MAP4K3: variants seen among roughly 807,000 people sequenced by gnomAD.
MAP4K3 encodes the protein MAPK/ERK kinase kinase kinase 3.
MAP4K3 carries 94 observed loss-of-function variants against 143.5 expected under a neutral mutation model. The ratio of observed to expected loss-of-function variants is 0.65; its 90% CI spans 0.55 to 0.78. MAP4K3 has a LOEUF of 0.78. MAP4K3 is among the 30% of genes least tolerant of loss of function. MAP4K3 has a pLI of 0.00. For synonymous variants in MAP4K3, 416 were observed against 347.2 expected, an observed-to-expected ratio of 1.20 and a Z score of -2.20; for missense variants, 1,077 against 1,068.1, an observed-to-expected ratio of 1.01 and a Z score of -0.12.
chr2:39,280,409 A>G, intron 22 of MAP4K3, 53 bp from the exon 23 acceptor site: 1 of 1,012,666 alleles, frequency 9.9e-7, no homozygotes, highest in Non-Finnish European at 1.5e-6. Context: ...ACAGTCTTTA[A>G]TATATAAAAT....
chr2:39,414,391 G>C (rs1558343619), intron 1 of MAP4K3, among the ~76,000 whole-genome samples: 1 of 152,166 alleles, frequency 6.6e-6, no homozygotes, highest in African/African-American at 2.4e-5. Context: ...GAATTAAGAG[G>C]CTAGTAGCAA....
chr2:39,337,581 A>G lies in MAP4K3; in HGVS notation c.311T>C (p.Val104Ala). 1 of 1,605,634 alleles carries G rather than the reference A, an allele frequency of 6.2e-7. No individual in the cohort carries two copies. The highest frequency in any genetic ancestry group is 8.5e-7 in the Non-Finnish European group (1 of 1,172,822). ...TTGCAGTTCTGACAGAGGTCCAGTT[A>G]CTGTAAAAGAAGACAATTAATACTC... is the stretch of plus-strand genomic sequence containing the variant. ...GGGSLQDIYHVTGPLSELQIA... is the reference protein window; with the variant it reads ...GGGSLQDIYHATGPLSELQIA... The change falls in exon 5 of 34, where the codon GTA becomes GCA. Residue 104 changes from valine to alanine, a missense_variant and splice_region_variant. By Grantham distance (64) the Val-to-Ala change is moderately conservative (BLOSUM62 0). Around this residue, in one of 2 missense-constraint regions of MAP4K3, gnomAD observed 213 missense variants for 266.8 expected, o/e 0.80. Coordinates refer to ENST00000263881, the MANE Select transcript of MAP4K3 (RefSeq NM_003618.4).
chr2:39,252,511 C>T (rs1030382931), intron 32 of MAP4K3, among the ~76,000 whole-genome samples: 29 of 152,334 alleles, frequency 1.9e-4, no homozygotes, highest in African/African-American at 6.5e-4. Context: ...CTTCCCCATT[C>T]TCTTGAAATA....
chr2:39,325,663 A>G, intron 11 of MAP4K3, 35 bp from the exon 12 acceptor site: 1 of 1,567,980 alleles, frequency 6.4e-7, no homozygotes, highest in East Asian at 2.3e-5. Flanking sequence ...AACACTTACT[A>G]TAAATCTGAT....
intron 1 of MAP4K3, among the ~76,000 whole-genome samples, chr2:39,425,626 A>G (rs1665044015): frequency 6.6e-6 from 1 of 152,188 alleles, no homozygotes; most frequent in Non-Finnish European, 1.5e-5. Flanking sequence ...GAAACCTGGC[A>G]TCTTGATCTT....
intron 2 of MAP4K3, among the ~76,000 whole-genome samples, chr2:39,361,747 T>TTTAAAACAG (rs1665777670): frequency 6.6e-6 from 1 of 151,436 alleles, no homozygotes. Context: ...TAAATTATCA[T>TTTAAAACAG]TTAAAACAGA....
At chr2:39,372,664 G>C (rs1406664024) in intron 2 of MAP4K3, among the ~76,000 whole-genome samples, 9 of 152,000 alleles carry the variant, frequency 5.9e-5, no homozygotes, top group Admixed American at 5.9e-4. Flanking sequence ...TTTCAACAAA[G>C]ATACCAAGAA....
chr2:39,349,627 G>C (rs1202342220), intron 3 of MAP4K3, among the ~76,000 whole-genome samples: 2 of 152,044 alleles, frequency 1.3e-5, no homozygotes, highest in African/African-American at 4.8e-5. Context: ...TGGAGAGACA[G>C]AGGAGGGAGA....
intron 20 of MAP4K3, 134 bp from the exon 21 acceptor site, chr2:39,287,098 A>C (rs976000333): frequency 1.7e-5 from 9 of 533,690 alleles, no homozygotes; most frequent in Admixed American, 6.9e-5. Flanking sequence ...CAATCAGAAT[A>C]TTTACTATGA....
rs72925265 is a variant in MAP4K3 at position 39,324,446 on chromosome 2, T to C, written c.918+1072A>G. Among the ~76,000 whole-genome samples the C allele has an allele frequency of 9.8e-3, 1,488 of 151,958 alleles. 14 individuals carry two copies. The highest frequency in any genetic ancestry group is 0.034 in the African/African-American group (1,424 of 41,464). ...CAAAACAAAAAAAACTTCTTCAGAGTATAATTATAAGATTAATTATACTTT... is the reference window on the plus strand; with the variant it reads ...CAAAACAAAAAAAACTTCTTCAGAGCATAATTATAAGATTAATTATACTTT... On this transcript the variant is annotated intron_variant, in intron 12 of 33. Coordinates refer to ENST00000263881, the MANE Select transcript of MAP4K3 (RefSeq NM_003618.4).
At chr2:39,297,809 C>T (rs914507643) in intron 16 of MAP4K3, among the ~76,000 whole-genome samples, 1 of 152,200 alleles carries the variant, frequency 6.6e-6, no homozygotes, top group African/African-American at 2.4e-5. Context: ...TTTTGGCCAA[C>T]CTACCTTGCC....
Position 39,272,492 on chromosome 2 carries a change from T to G in MAP4K3, c.1845A>C (p.Leu615=). 1 of 1,613,094 alleles carries G rather than the reference T, an allele frequency of 6.2e-7. No homozygotes were observed. Among genetic ancestry groups the G allele is most frequent in the Non-Finnish European group, 8.5e-7 (1 of 1,179,280 alleles). The change falls in exon 25 of 34, where the codon CTA becomes CTC. Residue 615 remains leucine, a synonymous_variant. Transcript: ENST00000263881. ...AACTAATATACTTACCAGATATTGA[T>G]AGCAAGCAATTGTTCATTACATACA... ...TWLYVMNNCL[L]SISGKASQLY...
At chr2:39,373,247 T>TC (rs1339694448) in intron 2 of MAP4K3, among the ~76,000 whole-genome samples, 1 of 152,184 alleles carries the variant, frequency 6.6e-6, no homozygotes, top group Non-Finnish European at 1.5e-5. Context: ...AGATATTATC[T>TC]CCCCTTATTC....
intron 3 of MAP4K3, among the ~76,000 whole-genome samples, chr2:39,354,301 G>T (rs371399229): frequency 6.6e-6 from 1 of 152,050 alleles, no homozygotes; most frequent in African/African-American, 2.4e-5. Flanking sequence ...AAAATTAGCC[G>T]GGTGTGGTGG....
intron 1 of MAP4K3, among the ~76,000 whole-genome samples, chr2:39,410,387 A>G (rs950806840): frequency 6.6e-6 from 1 of 152,230 alleles, no homozygotes; most frequent in Non-Finnish European, 1.5e-5. Flanking sequence ...AATTAGAGCA[A>G]TAAAATCATA....
At chr2:39,361,640 CA>C (rs1665773728) in intron 2 of MAP4K3, among the ~76,000 whole-genome samples, 1 of 151,558 alleles carries the variant, frequency 6.6e-6, no homozygotes, top group Admixed American at 6.6e-5. Flanking sequence ...AGGCTCCATA[CA>C]AAGTTTAAAC....
At chr2:39,360,367 A>G (rs1175221513) in intron 2 of MAP4K3, among the ~76,000 whole-genome samples, 2 of 152,306 alleles carry the variant, frequency 1.3e-5, no homozygotes, top group South Asian at 2.1e-4. Flanking sequence ...ATGTTTCTAG[A>G]AAGTTCCAAA....
chr2:39,337,416 A>G (rs1452276994), intron 5 of MAP4K3, 110 bp downstream of exon 5: 2 of 685,590 alleles, frequency 2.9e-6, no homozygotes, highest in Admixed American at 2.6e-5. Flanking sequence ...TCATTTTAAG[A>G]GTTTACCAAA....
At chr2:39,406,744 G>GA (rs567795458) in intron 1 of MAP4K3, among the ~76,000 whole-genome samples, 11 of 149,326 alleles carry the variant, frequency 7.4e-5, no homozygotes, top group South Asian at 2.1e-4. Context: ...ACTTCAATCA[G>GA]AAAAAAAAAG....
Sources: gnomAD v4.1 joint callset for allele counts (sites outside exome capture counted in the v4.1 genomes callset) on GRCh38, gnomAD v4.1.1 for gene constraint, gnomAD v4.1.1 regional missense constraint, MANE v1.5 for transcripts, NCBI Gene and HGNC (gene_info 2026-07-23, HGNC 2026-07-21) for gene names.